ARHGAP15: variants seen among roughly 807,000 people sequenced by gnomAD.
The protein encoded by ARHGAP15 is Rho GTPase activating protein 15, also known as rho GTPase-activating protein 15.
In ARHGAP15, 51 loss-of-function variants were observed where a neutral mutation model predicts 63.7. The observed-to-expected ratio is 0.80, with a 90% CI of 0.64 to 1.01. The LOEUF (loss-of-function observed/expected upper bound fraction) is 1.01, where lower values mean the gene tolerates loss of function less well. ARHGAP15 is among the 50% of genes least tolerant of loss of function. The pLI is 0.00. For missense variants in ARHGAP15, 560 were observed against 564.6 expected, an observed-to-expected ratio of 0.99 and a Z score of 0.08; for synonymous variants, 191 against 193.8, an observed-to-expected ratio of 0.99 and a Z score of 0.12.
At chr2:143,397,022 A>C (rs1476067248) in intron 6 of ARHGAP15, among the ~76,000 whole-genome samples, 4 of 152,136 alleles carry the variant, frequency 2.6e-5, no homozygotes, top group African/African-American at 9.6e-5. Flanking sequence ...TTTCTTTTTG[A>C]AAATAGAGTT....
chr2:143,547,685 CTTT>C (rs11296686), intron 10 of ARHGAP15, among the ~76,000 whole-genome samples: 87 of 142,872 alleles, frequency 6.1e-4, no homozygotes, highest in Non-Finnish European at 1.0e-3. Context: ...GGAGGGATGA[CTTT>C]TTTTTTTTTT....
intron 1 of ARHGAP15, among the ~76,000 whole-genome samples, chr2:143,133,554 G>A (rs1223204478): frequency 6.6e-6 from 1 of 152,144 alleles, no homozygotes; most frequent in Non-Finnish European, 1.5e-5. Context: ...GTAAGGACAG[G>A]CACTGACTTA....
chr2:143,246,032 C>G (rs1488177428), intron 5 of ARHGAP15, among the ~76,000 whole-genome samples: 1 of 151,960 alleles, frequency 6.6e-6, no homozygotes, highest in African/African-American at 2.4e-5. Flanking sequence ...CCTGAAAAAG[C>G]CATTTTTAGG....
At chr2:143,191,366 G>A (rs1297661995) in intron 2 of ARHGAP15, among the ~76,000 whole-genome samples, 1 of 152,136 alleles carries the variant, frequency 6.6e-6, no homozygotes, top group Non-Finnish European at 1.5e-5. Context: ...TGATGTATAT[G>A]TTTCTAACAA....
At chr2:143,221,225 T>G (rs1692984233) in intron 4 of ARHGAP15, among the ~76,000 whole-genome samples, 1 of 152,168 alleles carries the variant, frequency 6.6e-6, no homozygotes. Context: ...CTTATTTTCC[T>G]TCTTTCTCTT....
intron 6 of ARHGAP15, among the ~76,000 whole-genome samples, chr2:143,394,392 A>C (rs570334525): frequency 6.6e-5 from 10 of 152,348 alleles, no homozygotes; most frequent in Admixed American, 5.9e-4. Flanking sequence ...AATTGTGGAC[A>C]TAAGAAAGAC....
At chr2:143,718,364 T>C (rs1684902894) in intron 13 of ARHGAP15, among the ~76,000 whole-genome samples, 1 of 152,190 alleles carries the variant, frequency 6.6e-6, no homozygotes, top group African/African-American at 2.4e-5. Context: ...GTCAGGCCAT[T>C]GGGAAAAATC....
chr2:143,552,571 G>T (rs899846639), intron 10 of ARHGAP15, among the ~76,000 whole-genome samples: 3 of 151,066 alleles, frequency 2.0e-5, no homozygotes, highest in African/African-American at 4.9e-5. Context: ...GTCGGGGTGG[G>T]GAGGCAGGGG....
intron 13 of ARHGAP15, among the ~76,000 whole-genome samples, chr2:143,739,885 C>T (rs1685893592): frequency 6.6e-6 from 1 of 152,182 alleles, no homozygotes; most frequent in African/African-American, 2.4e-5. Context: ...TCATTCTCCC[C>T]ACACCCCCAA....
chr2:143,527,143 T>C (rs1049503730), intron 10 of ARHGAP15, among the ~76,000 whole-genome samples: 2 of 152,122 alleles, frequency 1.3e-5, no homozygotes, highest in Non-Finnish European at 2.9e-5. Context: ...GGGATTTTTA[T>C]ACTTTCAAAT....
At chr2:143,352,209 T>C (rs895756286) in intron 6 of ARHGAP15, among the ~76,000 whole-genome samples, 14 of 152,206 alleles carry the variant, frequency 9.2e-5, no homozygotes, top group African/African-American at 2.7e-4. Context: ...TTTTATGATA[T>C]ATTTTCCGGG....
At chr2:143,245,618 C>CT (rs11381798) in intron 5 of ARHGAP15, among the ~76,000 whole-genome samples, 23,600 of 150,008 alleles carry the variant, frequency 0.16, 1,924 homozygotes, top group Middle Eastern at 0.25. Flanking sequence ...TTTTCTTCTT[C>CT]TTCTTTTTTT....
At chr2:143,173,264 C>T (rs1203997947) in intron 2 of ARHGAP15, among the ~76,000 whole-genome samples, 1 of 151,864 alleles carries the variant, frequency 6.6e-6, no homozygotes, top group African/African-American at 2.4e-5. Flanking sequence ...AATTTATAAT[C>T]ATATACAAAT....
chr2:143,690,502 C>T (rs1683547957), intron 12 of ARHGAP15, among the ~76,000 whole-genome samples: 1 of 152,106 alleles, frequency 6.6e-6, no homozygotes, highest in Non-Finnish European at 1.5e-5. Flanking sequence ...TAACGGGCCC[C>T]AGAGGGGAAT....
intron 8 of ARHGAP15, among the ~76,000 whole-genome samples, chr2:143,475,541 A>C (rs867174473): frequency 1.8e-4 from 27 of 152,244 alleles, no homozygotes; most frequent in African/African-American, 6.0e-4. Flanking sequence ...GTCCTGAAAA[A>C]GGCAAGGGAG....
intron 2 of ARHGAP15, among the ~76,000 whole-genome samples, chr2:143,168,533 C>T (rs145007095): frequency 1.3e-5 from 2 of 152,082 alleles, no homozygotes; most frequent in African/African-American, 2.4e-5. Context: ...ATCTTGCTGC[C>T]TTTCAAGTAA....
intron 11 of ARHGAP15, among the ~76,000 whole-genome samples, chr2:143,576,652 C>T (rs1319258756): frequency 1.3e-5 from 2 of 151,866 alleles, no homozygotes; most frequent in Non-Finnish European, 2.9e-5. Context: ...TGGAATACAG[C>T]AAAGAACAGG....
intron 6 of ARHGAP15, among the ~76,000 whole-genome samples, chr2:143,313,553 A>G (rs1012007808): frequency 2.6e-5 from 4 of 152,256 alleles, no homozygotes; most frequent in African/African-American, 9.6e-5. Flanking sequence ...GCTACGGGAA[A>G]GTGTGGAGGC....
chr2:143,720,037 C>T (rs182320774), intron 13 of ARHGAP15, among the ~76,000 whole-genome samples: 90 of 152,174 alleles, frequency 5.9e-4, no homozygotes, highest in African/African-American at 2.0e-3. Flanking sequence ...TTGTCATGTA[C>T]GAGAAATTTC....
Sources: allele counts gnomAD v4.1 joint callset (sites outside exome capture counted in the v4.1 genomes callset), GRCh38; gene constraint gnomAD v4.1.1; transcripts MANE v1.5; gene names NCBI Gene and HGNC (gene_info 2026-07-23, HGNC 2026-07-21).